Variants in TMEM181 observed in about 807,000 individuals in gnomAD.
The protein encoded by TMEM181 is G protein-coupled receptor 178.
Under a neutral mutation model 71.9 loss-of-function variants are expected in TMEM181, and 39 were observed. The ratio of observed to expected loss-of-function variants is 0.54; its 90% confidence interval spans 0.42 to 0.71. The LOEUF is 0.71. TMEM181 is among the 30% of genes least tolerant of loss of function. The probability of loss-of-function intolerance (pLI) is 0.00; values close to 1 mark genes in which losing one functional copy is unlikely to be tolerated. For synonymous variants in TMEM181, 245 were observed against 228.8 expected (o/e 1.07, Z -0.64); for missense variants, 595 against 583.0 (o/e 1.02, Z -0.21).
chr6:158,605,129 AAAGTGTGTGTGT>A (rs1330208671), intron 6 of TMEM181, 126 bp from the exon 7 acceptor site: 97 of 394,246 alleles, frequency 2.5e-4, no homozygotes, highest in East Asian at 1.2e-3. Context: ...AAAAAAAAAA[AAAGTGTGTGTGT>A]GTGTGTGTGT....
At chr6:158,591,899 CAT>C (rs1283881449) in intron 6 of TMEM181, among the ~76,000 whole-genome samples, 6 of 152,074 alleles carry the variant, frequency 3.9e-5, no homozygotes. Flanking sequence ...GAATTTGGTA[CAT>C]ATGTTAGGTG....
intron 1 of TMEM181, among the ~76,000 whole-genome samples, chr6:158,537,134 G>C (rs533076277): frequency 1.9e-3 from 293 of 152,078 alleles, no homozygotes; most frequent in African/African-American, 6.1e-3. Flanking sequence ...TTTCCGTTCA[G>C]CTGAAACCCA....
In TMEM181 at chr6:158,633,170, T is replaced by C. The variant is rs1010883837; in HGVS notation, c.*1282T>C. ...ATTTGGAAGCAAAATGAAAAGCAAG[T>C]AAAATGTTTTAAATGGTTCATGGAA... On this transcript the variant is annotated 3_prime_UTR_variant, in exon 17 of 17. Transcript: ENST00000684151. The C allele has an allele frequency of 1.3e-5, 2 of 152,208 alleles. No individual in the cohort carries two copies. The highest frequency in any genetic ancestry group is 2.4e-5 in the African/African-American group (1 of 41,456). 9.4% of individuals were successfully genotyped at this position (152,208 alleles called of 1,614,324 possible).
chr6:158,631,158 G>A (rs1786642224), intron 15 of TMEM181, among the ~76,000 whole-genome samples, 165 bp from the exon 16 acceptor site: 1 of 152,248 alleles, frequency 6.6e-6, no homozygotes, highest in South Asian at 2.1e-4. Context: ...TCTTGTAGAT[G>A]AGAAAACAGC....
intron 13 of TMEM181, 148 bp from the exon 14 acceptor site, chr6:158,628,260 G>A (rs975237009): frequency 3.4e-5 from 25 of 741,352 alleles, no homozygotes; most frequent in Middle Eastern, 2.2e-4. Flanking sequence ...GCATCTGTGC[G>A]TGCATCTGTG....
chr6:158,563,212 C>T (rs570765969), intron 1 of TMEM181, among the ~76,000 whole-genome samples: 1 of 152,196 alleles, frequency 6.6e-6, no homozygotes, highest in Non-Finnish European at 1.5e-5. Flanking sequence ...GGTGCGATCT[C>T]GGCTCACTGC....
intron 2 of TMEM181, among the ~76,000 whole-genome samples, chr6:158,574,470 G>A (rs903434411): frequency 2.0e-5 from 3 of 152,080 alleles, no homozygotes; most frequent in Non-Finnish European, 4.4e-5. Context: ...CTTTAAGATT[G>A]GTAGGGGAGG....
At chr6:158,623,733 G>T in intron 11 of TMEM181, 126 bp downstream of exon 11, 1 of 590,178 alleles carries the variant, frequency 1.7e-6, no homozygotes. Context: ...GGACTACATA[G>T]AAAGTTCAAG....
chr6:158,615,470 C>T (rs1785562670), intron 10 of TMEM181, among the ~76,000 whole-genome samples: 1 of 152,212 alleles, frequency 6.6e-6, no homozygotes, highest in Non-Finnish European at 1.5e-5. Context: ...TTTTGCTGTG[C>T]AGAAGCTCTT....
At chr6:158,621,449 C>A in intron 10 of TMEM181, 1 of 224,966 alleles carries the variant, frequency 4.4e-6, no homozygotes, top group Admixed American at 4.2e-5. Context: ...GCGAAGCAAG[C>A]CACACCATCC....
intron 10 of TMEM181, chr6:158,609,917 C>A: frequency 4.3e-6 from 1 of 232,820 alleles, no homozygotes. Context: ...CAGCACTTCC[C>A]GGGCTTCTCA....
intron 6 of TMEM181, among the ~76,000 whole-genome samples, chr6:158,593,013 G>T (rs184961788): frequency 3.9e-5 from 6 of 152,262 alleles, no homozygotes; most frequent in South Asian, 2.1e-4. Context: ...TGAGTGGGGG[G>T]GTGTGAACTG....
chr6:158,628,581 C>A, intron 14 of TMEM181, 91 bp downstream of exon 14: 1 of 1,138,704 alleles, frequency 8.8e-7, no homozygotes, highest in Non-Finnish European at 1.3e-6. Flanking sequence ...CAAGAGGAGA[C>A]AGGTCAGCTC....
At chr6:158,570,920 G>GTT (rs201020009) in intron 1 of TMEM181, among the ~76,000 whole-genome samples, 1 of 144,436 alleles carries the variant, frequency 6.9e-6, no homozygotes, top group Non-Finnish European at 1.5e-5. Flanking sequence ...TGTTAGGTTG[G>GTT]TTTTTTTTTT....
intron 6 of TMEM181, 129 bp from the exon 7 acceptor site, chr6:158,605,138 G>C (rs1291268396): frequency 2.4e-6 from 1 of 414,652 alleles, no homozygotes; most frequent in Admixed American, 3.7e-5. Flanking sequence ...AAAAGTGTGT[G>C]TGTGTGTGTG....
rs201627006 is a variant in TMEM181 at position 158,631,815 on chromosome 6, A to C, written c.1355A>C (p.Asp452Ala). The C allele has an allele frequency of 6.3e-7, 1 of 1,598,176 alleles. No individual in the cohort carries two copies. Among genetic ancestry groups the C allele is most frequent in the East Asian group, 2.3e-5 (1 of 44,288 alleles). ...DSDDDVIYGS[D>A]YEEMPLQNGQ... Reference sequence around the variant, plus strand: ...AAAGGTCTCTTTGCTCACAGGAGTGACTATGAGGAAATGCCGCTGCAGAAC... The same window carrying C: ...AAAGGTCTCTTTGCTCACAGGAGTGCCTATGAGGAAATGCCGCTGCAGAAC... Residue 452 changes from aspartate (D) to alanine (A), a missense_variant, in exon 17 of 17, where the codon GAC (aspartate) becomes GCC (alanine). Transcript: ENST00000684151.
At chr6:158,571,274 T>G (rs540975454) in intron 1 of TMEM181, among the ~76,000 whole-genome samples, 1 of 148,112 alleles carries the variant, frequency 6.8e-6, no homozygotes, top group South Asian at 2.1e-4. Flanking sequence ...TTTTTTGTGT[T>G]TTTTAGTAAA....
At chr6:158,589,084 G>A (rs1024718125) in intron 5 of TMEM181, among the ~76,000 whole-genome samples, 1 of 152,232 alleles carries the variant, frequency 6.6e-6, no homozygotes, top group African/African-American at 2.4e-5. Flanking sequence ...AAAAGGAAGG[G>A]CTCTTGTCAA....
Position 158,625,143 on chromosome 6 carries a change from A to C in TMEM181, c.994A>C (p.Ile332Leu). 1 of 1,614,160 alleles carries C rather than the reference A, an allele frequency of 6.2e-7. No homozygotes were observed. Among genetic ancestry groups the C allele is most frequent in the Non-Finnish European group, 8.5e-7 (1 of 1,180,020 alleles). Residue 332 changes from isoleucine to leucine, a missense_variant, in exon 12 of 17, where the codon ATT becomes CTT. Physicochemically the swap from Ile to Leu is conservative, Grantham distance 5. Coordinates refer to ENST00000684151, the MANE Select transcript of TMEM181 (RefSeq NM_001376852.1). ...VFFMVVAAVYILYLLFLIVRA... is the reference protein window; with the variant it reads ...VFFMVVAAVYLLYLLFLIVRA... Reference sequence around the variant, plus strand: ...CTTCATGGTGGTGGCAGCGGTGTACATTCTGTACCTCTTGTTCTTGATAGT... The same window carrying C: ...CTTCATGGTGGTGGCAGCGGTGTACCTTCTGTACCTCTTGTTCTTGATAGT...
Sources: gnomAD v4.1 joint callset for allele counts (sites outside exome capture counted in the v4.1 genomes callset) on GRCh38, gnomAD v4.1.1 for gene constraint, MANE v1.5 for transcripts, NCBI Gene and HGNC (gene_info 2026-07-23, HGNC 2026-07-21) for gene names.